The following GNG4 variants were observed in gnomAD, a reference collection of about 807,000 sequenced individuals.
GNG4 encodes the protein guanine nucleotide-binding protein G(I)/G(S)/G(O) subunit gamma-4.
Under a neutral mutation model 5.8 loss-of-function variants are expected in GNG4, and 4 were observed. The observed-to-expected ratio is 0.69, with a 90% confidence interval of 0.34 to 1.57. GNG4 has a LOEUF of 1.57. Ranked by LOEUF, GNG4 falls within the 40% of genes most tolerant of loss-of-function variation. The probability of loss-of-function intolerance (pLI) is 0.06; values close to 1 mark genes in which losing one functional copy is unlikely to be tolerated. For synonymous variants in GNG4, 29 were observed against 32.9 expected (o/e 0.88, Z 0.41); for missense variants, 96 against 95.1 (o/e 1.01, Z -0.04).
At chr1:235,570,945 C>CACACATAT (rs535079462) in intron 3 of GNG4, among the ~76,000 whole-genome samples, 42 of 115,638 alleles carry the variant, frequency 3.6e-4, no homozygotes, top group Middle Eastern at 6.8e-3. Flanking sequence ...CACACACACA[C>CACACATAT]ATATATATAT....
chr1:235,562,659 G>GAAAAAAAAAAAAAGAAAAAAAAAAAAAAA (rs766199361), intron 3 of GNG4, among the ~76,000 whole-genome samples: 1 of 51,300 alleles, frequency 1.9e-5, no homozygotes, highest in African/African-American at 7.7e-5. Context: ...AAAAAAAAAA[G>GAAAAAAAAAAAAAGAAAAAAAAAAAAAAA]AAAAAAAAAA....
chr1:235,594,932 C>T (rs550995328), intron 2 of GNG4, among the ~76,000 whole-genome samples: 9 of 152,338 alleles, frequency 5.9e-5, no homozygotes, highest in East Asian at 5.8e-4. Context: ...GTTGCCAGCA[C>T]GCTGTCACCT....
Position 235,623,330 on chromosome 1 carries a change from C to G in GNG4, c.-123+26332G>C, listed in dbSNP as rs754720689. Among the ~76,000 whole-genome samples the G allele has an allele frequency of 3.9e-5, 6 of 152,262 alleles. No individual in the cohort carries two copies. The East Asian group carries it at 1.2e-3, about 29-fold the overall frequency. ...CATGTGGGGTTTCCATCAGAACATT[C>G]GCTACCTGCACGGCCACCGCTGCAG... On this transcript the variant is annotated intron_variant, in intron 1 of 3. Coordinates refer to ENST00000391854, the MANE Select transcript of GNG4 (RefSeq NM_001098722.2).
chr1:235,639,021 A>C (rs1016032127), intron 1 of GNG4, among the ~76,000 whole-genome samples: 2 of 152,178 alleles, frequency 1.3e-5, no homozygotes, highest in Non-Finnish European at 2.9e-5. Flanking sequence ...GTATATACCC[A>C]GTAACGGGCC....
chr1:235,583,636 T>TCTG, intron 3 of GNG4, 104 bp downstream of exon 3: 1 of 700,128 alleles, frequency 1.4e-6, no homozygotes, highest in South Asian at 1.8e-5. Flanking sequence ...GGCTGCATGC[T>TCTG]CTGCTGGGTG....
chr1:235,644,198 T>C lies in GNG4; in HGVS notation c.-123+5464A>G, dbSNP rs1232789876. On this transcript the variant is annotated intron_variant, in intron 1 of 3. Coordinates refer to ENST00000391854, the MANE Select transcript of GNG4 (RefSeq NM_001098722.2). This position sits in a 1 kb window ranked among gnomAD's most constrained non-coding sequence, Gnocchi z 5.9. ...GATCAGCAAAAGAGGCCAGTGACTC[T>C]GTCTCCATCAGATAAAATTCAGCCA... Among the ~76,000 whole-genome samples, 2 of 152,224 alleles carry C rather than the reference T, an allele frequency of 1.3e-5. No individual in the cohort carries two copies. The highest frequency in any genetic ancestry group is 2.1e-4 in the South Asian group (1 of 4,830).
At chr1:235,554,897 C>CG (rs1338940214) in intron 3 of GNG4, among the ~76,000 whole-genome samples, 69 of 151,420 alleles carry the variant, frequency 4.6e-4, no homozygotes, top group African/African-American at 1.6e-3. Context: ...ATGCCCTCTC[C>CG]AGTTTTCTAG....
intron 1 of GNG4, among the ~76,000 whole-genome samples, chr1:235,603,529 C>T (rs751902138): frequency 1.2e-4 from 18 of 151,960 alleles, no homozygotes; most frequent in Admixed American, 5.9e-4. Context: ...GTAGGAACAC[C>T]GTCCCCCTCG....
chr1:235,581,510 G>C lies in GNG4; in HGVS notation c.99+2230C>G, dbSNP rs551273268. Among the ~76,000 whole-genome samples the C allele has an allele frequency of 2.9e-3, 438 of 150,698 alleles. 1 individual carries two copies. The highest frequency in any genetic ancestry group is 0.01 in the African/African-American group (416 of 41,014). ...CACCTGGGCGACAGAGCGAGACTCC[G>C]TCTCAAAAAAGAAAAAAAAAAAAGG... On this transcript the variant is annotated intron_variant, in intron 3 of 3. Coordinates refer to ENST00000391854, the MANE Select transcript of GNG4 (RefSeq NM_001098722.2).
intron 3 of GNG4, among the ~76,000 whole-genome samples, chr1:235,568,168 T>TTAA (rs35709787): frequency 2.0e-4 from 30 of 150,722 alleles, no homozygotes; most frequent in African/African-American, 5.4e-4. Flanking sequence ...TTTTTTTTTT[T>TTAA]AAACCTATGA....
intron 3 of GNG4, among the ~76,000 whole-genome samples, chr1:235,556,091 T>C (rs959773794): frequency 6.6e-6 from 1 of 151,834 alleles, no homozygotes; most frequent in Non-Finnish European, 1.5e-5. Flanking sequence ...GGTCTCGAAC[T>C]CCTGACCTCA....
At chr1:235,571,339 G>A (rs1035634390) in intron 3 of GNG4, among the ~76,000 whole-genome samples, 1 of 152,190 alleles carries the variant, frequency 6.6e-6, no homozygotes, top group Non-Finnish European at 1.5e-5. Flanking sequence ...TTCAGCTGCT[G>A]AATTTTAGGC....
At chr1:235,622,804 G>A (rs1399022756) in intron 1 of GNG4, among the ~76,000 whole-genome samples, 1 of 145,412 alleles carries the variant, frequency 6.9e-6, no homozygotes, top group East Asian at 2.2e-4. Context: ...CCTGCTGGGA[G>A]GTGGAGGTTG....
In GNG4 at chr1:235,644,109, G is replaced by A. The variant is rs571652631; in HGVS notation, c.-123+5553C>T. Among the ~76,000 whole-genome samples, 3 of 152,306 alleles carry A rather than the reference G, an allele frequency of 2.0e-5. No homozygotes were observed. The highest frequency in any genetic ancestry group is 4.4e-5 in the Non-Finnish European group (3 of 68,014). On this transcript the variant is annotated intron_variant, in intron 1 of 3. Transcript: ENST00000391854. The surrounding 1 kb of genome is among the most constrained non-coding windows in gnomAD (Gnocchi z 5.9). The stretch of plus-strand genomic sequence containing the variant: ...TGAAACGCCAAACTCCTACTGAAAG[G>A]TTGATGGGTACAGCCTTCCAGAGAC...
At chr1:235,561,132 C>T (rs563572607) in intron 3 of GNG4, among the ~76,000 whole-genome samples, 1 of 152,310 alleles carries the variant, frequency 6.6e-6, no homozygotes, top group Admixed American at 6.5e-5. Context: ...GCCTCAGCCT[C>T]CCGAGTAGCT....
At chr1:235,576,693 C>T (rs1687492483) in intron 3 of GNG4, among the ~76,000 whole-genome samples, 1 of 152,110 alleles carries the variant, frequency 6.6e-6, no homozygotes, top group Non-Finnish European at 1.5e-5. Context: ...GATGAAGAGT[C>T]ACATGGAGTG....
intron 1 of GNG4, among the ~76,000 whole-genome samples, chr1:235,622,441 C>T (rs562489620): frequency 3.3e-5 from 5 of 152,252 alleles, no homozygotes; most frequent in Non-Finnish European, 5.9e-5. Flanking sequence ...AGGCTGGGCG[C>T]GGTAGCTCAC....
chr1:235,571,369 G>A (rs1015944235), intron 3 of GNG4, among the ~76,000 whole-genome samples: 6 of 152,178 alleles, frequency 3.9e-5, no homozygotes, highest in Admixed American at 3.3e-4. Context: ...AATCTTCATA[G>A]ACCTCAGTTT....
intron 1 of GNG4, among the ~76,000 whole-genome samples, chr1:235,605,483 C>T (rs776376316): frequency 2.1e-4 from 32 of 152,142 alleles, no homozygotes; most frequent in Non-Finnish European, 4.1e-4. Flanking sequence ...CCCGTGATTC[C>T]TGCCTTCTAT....
Sources: gnomAD v4.1 joint callset for allele counts (sites outside exome capture counted in the v4.1 genomes callset) on GRCh38, gnomAD v4.1.1 for gene constraint, Gnocchi (gnomAD v3.1) non-coding constraint, MANE v1.5 for transcripts, NCBI Gene and HGNC (gene_info 2026-07-23, HGNC 2026-07-21) for gene names.